The following TMEFF2 variants were observed in gnomAD, a reference collection of about 807,000 sequenced individuals.
TMEFF2 encodes tomoregulin-2.
Under a neutral mutation model 53.8 loss-of-function variants are expected in TMEFF2, and 28 were observed. That is an observed-to-expected ratio of 0.52 (90% CI 0.39 to 0.71). The LOEUF (loss-of-function observed/expected upper bound fraction) is 0.71. TMEFF2 is among the 30% of genes least tolerant of loss of function. TMEFF2 has a pLI of 0.00. For synonymous variants in TMEFF2, 162 were observed against 166.3 expected (o/e 0.97, Z 0.20); for missense variants, 353 against 455.2 (o/e 0.78, Z 2.04).
intron 4 of TMEFF2, among the ~76,000 whole-genome samples, chr2:192,132,111 C>T (rs1193045571): frequency 1.3e-5 from 2 of 152,124 alleles, no homozygotes; most frequent in Admixed American, 6.6e-5. Context: ...CCCTCCTCGC[C>T]AGGCCAAGCT....
At chr2:191,976,419 C>A (rs896822431) in intron 7 of TMEFF2, among the ~76,000 whole-genome samples, 2 of 152,268 alleles carry the variant, frequency 1.3e-5, no homozygotes, top group Middle Eastern at 3.4e-3. Context: ...TAAAAAGGAA[C>A]CATTGAGAAG....
At chr2:192,117,120 A>T (rs1372799590) in intron 4 of TMEFF2, among the ~76,000 whole-genome samples, 1 of 152,150 alleles carries the variant, frequency 6.6e-6, no homozygotes, top group Non-Finnish European at 1.5e-5. Context: ...TTACTGATAG[A>T]TGGAGGCTAT....
At chr2:192,157,132 A>G (rs1465308568) in intron 4 of TMEFF2, among the ~76,000 whole-genome samples, 1 of 152,048 alleles carries the variant, frequency 6.6e-6, no homozygotes, top group Non-Finnish European at 1.5e-5. Flanking sequence ...CCTACCTGAC[A>G]TTTGGGACAG....
At chr2:191,995,042 T>C (rs561218615) in intron 7 of TMEFF2, among the ~76,000 whole-genome samples, 1 of 152,114 alleles carries the variant, frequency 6.6e-6, no homozygotes, top group Non-Finnish European at 1.5e-5. Context: ...TTGAGGATCA[T>C]GGAATTCACA....
chr2:192,020,343 CT>C (rs1686833204), intron 5 of TMEFF2, among the ~76,000 whole-genome samples: 1 of 152,056 alleles, frequency 6.6e-6, no homozygotes, highest in African/African-American at 2.4e-5. Flanking sequence ...GGTGAATTTC[CT>C]TCTAATTCAG....
intron 5 of TMEFF2, among the ~76,000 whole-genome samples, chr2:192,040,559 T>C (rs961665976): frequency 6.6e-6 from 1 of 152,032 alleles, no homozygotes; most frequent in African/African-American, 2.4e-5. Context: ...AATTTAAAAG[T>C]CACTCTGGAA....
chr2:192,167,683 T>C (rs774961939), intron 4 of TMEFF2, among the ~76,000 whole-genome samples: 12 of 152,176 alleles, frequency 7.9e-5, no homozygotes, highest in Non-Finnish European at 1.6e-4. Context: ...TGAAGTTTCA[T>C]GTGTGAAGCA....
At chr2:192,069,933 C>T (rs1688247217) in intron 4 of TMEFF2, among the ~76,000 whole-genome samples, 1 of 123,050 alleles carries the variant, frequency 8.1e-6, no homozygotes, top group African/African-American at 2.8e-5. Flanking sequence ...GGAAATTAAT[C>T]AATTTCCCTG....
intron 9 of TMEFF2, among the ~76,000 whole-genome samples, chr2:191,953,001 C>T (rs979586722): frequency 7.2e-5 from 11 of 152,190 alleles, no homozygotes; most frequent in African/African-American, 2.7e-4. Flanking sequence ...AAGTCCAATT[C>T]TTGGTTGGTT....
At chr2:192,006,060 CTT>C (rs56336479) in intron 5 of TMEFF2, among the ~76,000 whole-genome samples, 12 of 140,018 alleles carry the variant, frequency 8.6e-5, no homozygotes, top group African/African-American at 1.3e-4. Context: ...TCTCAGGTGA[CTT>C]TTTTTTTTTT....
intron 4 of TMEFF2, among the ~76,000 whole-genome samples, chr2:192,165,946 A>G (rs112742586): frequency 2.6e-5 from 4 of 152,162 alleles, no homozygotes; most frequent in African/African-American, 9.7e-5. Context: ...AGTTTTTGAA[A>G]CATTATTCAG....
intron 9 of TMEFF2, among the ~76,000 whole-genome samples, chr2:191,952,839 C>A (rs1691928686): frequency 2.6e-5 from 4 of 152,188 alleles, no homozygotes; most frequent in African/African-American, 9.6e-5. Context: ...GAGAGCTGCA[C>A]AAATGAAGAA....
chr2:192,029,581 G>A (rs1286378210), intron 5 of TMEFF2, among the ~76,000 whole-genome samples: 1 of 152,174 alleles, frequency 6.6e-6, no homozygotes, highest in East Asian at 1.9e-4. Flanking sequence ...ACAGGTAGAA[G>A]ATGCTACGTA....
rs1040774622 is a variant in TMEFF2 at position 191,949,842 on chromosome 2, C to A, written c.*469G>T. 11 of 985,604 alleles carry A rather than the reference C, an allele frequency of 1.1e-5. No homozygotes were observed. The highest frequency in any genetic ancestry group is 1.3e-5 in the Non-Finnish European group (11 of 830,018). The allele number at this position is 985,604 out of a possible 1,614,324, so 61.1% of individuals were successfully genotyped here. A position where few individuals can be genotyped will look rare whatever the true frequency, so the allele number is the denominator to read the frequency against. On this transcript the variant is annotated 3_prime_UTR_variant, in exon 10 of 10. Coordinates refer to ENST00000272771, the MANE Select transcript of TMEFF2 (RefSeq NM_016192.4). ...AAAGTAAATTATTTTTTCTCTTTTC[C>A]AATAACCATCATTTCCCTTGATCTT...
chr2:192,102,626 C>CTTTTTTTTTTTTTTTTTTTTTTGTTTT (rs10635775), intron 4 of TMEFF2, among the ~76,000 whole-genome samples: 1 of 109,844 alleles, frequency 9.1e-6, no homozygotes, highest in Non-Finnish European at 1.7e-5. Context: ...TTTTCTTGTT[C>CTTTTTTTTTTTTTTTTTTTTTTGTTTT]TTTTTTTTTT....
chr2:192,084,295 GA>G (rs1688617994), intron 4 of TMEFF2, among the ~76,000 whole-genome samples: 1 of 152,070 alleles, frequency 6.6e-6, no homozygotes, highest in Non-Finnish European at 1.5e-5. Context: ...CCACTTACTT[GA>G]CATTTTCTTC....
chr2:192,181,866 C>G (rs751612204), intron 3 of TMEFF2, among the ~76,000 whole-genome samples: 1 of 151,760 alleles, frequency 6.6e-6, no homozygotes, highest in African/African-American at 2.4e-5. Flanking sequence ...AAAATGATCA[C>G]TTAAGTCCAT....
In TMEFF2 at chr2:192,194,319, G is replaced by C. The variant is rs1400589233; in HGVS notation, c.172+34C>G. The C allele has an allele frequency of 2.5e-6, 4 of 1,610,720 alleles. No homozygotes were observed. The highest frequency in any genetic ancestry group is 1.3e-5 in the African/African-American group (1 of 74,888). On this transcript the variant is annotated intron_variant, in intron 1 of 9. Transcript: ENST00000272771. The surrounding 1 kb of genome is among the most constrained non-coding windows in gnomAD (Gnocchi z 4.2). ...CTGGATACGCGTGTTCTTCTGCGGA[G>C]TTAAAGGGTCGGGGACGGGGGTTCT...
intron 5 of TMEFF2, among the ~76,000 whole-genome samples, chr2:192,013,515 A>G (rs1239930937): frequency 6.6e-6 from 1 of 151,654 alleles, no homozygotes; most frequent in Non-Finnish European, 1.5e-5. Context: ...CAGTGGCACA[A>G]TCTCACTGCA....
Sources: allele counts gnomAD v4.1 joint callset (sites outside exome capture counted in the v4.1 genomes callset), GRCh38; gene constraint gnomAD v4.1.1; non-coding constraint Gnocchi (gnomAD v3.1); transcripts MANE v1.5; gene names NCBI Gene and HGNC (gene_info 2026-07-23, HGNC 2026-07-21).